ERI3: variants seen among roughly 807,000 people sequenced by gnomAD.
ERI3 encodes the protein ERI1 exoribonuclease family member 3.
In ERI3, 18 loss-of-function variants were observed where a neutral mutation model predicts 44.4. The observed-to-expected ratio is 0.41, with a 90% CI of 0.28 to 0.60. The LOEUF (loss-of-function observed/expected upper bound fraction) is 0.60, where lower values mean the gene tolerates loss of function less well. ERI3 is among the 20% of genes least tolerant of loss of function. The probability of loss-of-function intolerance (pLI) is 0.36; values close to 1 mark genes in which losing one functional copy is unlikely to be tolerated. For synonymous variants in ERI3, 183 were observed against 164.8 expected, an observed-to-expected ratio of 1.11 and a Z score of -0.84; for missense variants, 294 against 435.5, an observed-to-expected ratio of 0.68 and a Z score of 2.89.
chr1:44,349,727 G>C (rs879911652), intron 2 of ERI3, among the ~76,000 whole-genome samples: 1 of 152,140 alleles, frequency 6.6e-6, no homozygotes, highest in Admixed American at 6.5e-5. Context: ...TGTGCAAAGA[G>C]TTTTACATTA....
At chr1:44,330,448 G>T (rs1201359445) in intron 3 of ERI3, among the ~76,000 whole-genome samples, 1 of 152,142 alleles carries the variant, frequency 6.6e-6, no homozygotes, top group African/African-American at 2.4e-5. Context: ...CTATCCCAAG[G>T]CACCTCTACA....
intron 8 of ERI3, among the ~76,000 whole-genome samples, chr1:44,233,646 A>G (rs1481953878): frequency 6.6e-6 from 1 of 152,114 alleles, no homozygotes; most frequent in Non-Finnish European, 1.5e-5. Flanking sequence ...AGGCCTTTTC[A>G]GGGTCCACAC....
At chr1:44,265,580 G>T (rs1644975079) in intron 7 of ERI3, among the ~76,000 whole-genome samples, 1 of 151,470 alleles carries the variant, frequency 6.6e-6, no homozygotes, top group Non-Finnish European at 1.5e-5. Context: ...ATGACAAAGT[G>T]AACTCGCACA....
In ERI3 at chr1:44,355,066, TC is replaced by T; in HGVS notation, c.-41del. Reference sequence around the variant, plus strand: ...CTCGGGGCCAGCGCGGCAGGCTCCCTCCAGGTGCAGGCCCCGACGTCTCCCT... The same window carrying T: ...CTCGGGGCCAGCGCGGCAGGCTCCCTCAGGTGCAGGCCCCGACGTCTCCCT... On this transcript the variant is annotated 5_prime_UTR_variant, in exon 1 of 9. Coordinates refer to ENST00000372257, the MANE Select transcript of ERI3 (RefSeq NM_024066.3). The T allele has an allele frequency of 7.5e-7, 1 of 1,331,228 alleles. No homozygotes were observed. The highest frequency in any genetic ancestry group is 9.6e-7 in the Non-Finnish European group (1 of 1,036,418). The allele number at this position is 1,331,228 out of a possible 1,614,324, so 82.5% of individuals were successfully genotyped here. A position where few individuals can be genotyped will look rare whatever the true frequency, so the allele number is the denominator to read the frequency against.
intron 6 of ERI3, among the ~76,000 whole-genome samples, chr1:44,298,774 TG>T (rs925680396): frequency 6.6e-6 from 1 of 151,936 alleles, no homozygotes; most frequent in Non-Finnish European, 1.5e-5. Flanking sequence ...AAAAACTAGC[TG>T]GGCGCAGTGG....
intron 7 of ERI3, among the ~76,000 whole-genome samples, chr1:44,259,884 T>TA (rs1644856912): frequency 7.4e-6 from 1 of 135,000 alleles, no homozygotes; most frequent in Admixed American, 7.2e-5. Flanking sequence ...TCTAGATAGA[T>TA]AGATAGATAG....
At chr1:44,292,980 G>C (rs1168122140) in intron 6 of ERI3, among the ~76,000 whole-genome samples, 1 of 152,248 alleles carries the variant, frequency 6.6e-6, no homozygotes, top group African/African-American at 2.4e-5. Flanking sequence ...AGGAGCACGA[G>C]AGCAAGGGAG....
chr1:44,333,099 C>T (rs939042952), intron 3 of ERI3, among the ~76,000 whole-genome samples: 1 of 152,218 alleles, frequency 6.6e-6, no homozygotes, highest in Non-Finnish European at 1.5e-5. Context: ...AACTCAGCCC[C>T]CTCAAGCATT....
intron 8 of ERI3, among the ~76,000 whole-genome samples, chr1:44,243,251 A>G (rs1445133145): frequency 6.6e-6 from 1 of 152,174 alleles, no homozygotes; most frequent in Non-Finnish European, 1.5e-5. Context: ...CCTCAGTGGG[A>G]TCCTTCTCCA....
Position 44,221,591 on chromosome 1 carries a change from G to C in ERI3, c.981C>G (p.Gly327=). The change falls in exon 9 of 9, where the codon GGC becomes GGG. Residue 327 remains glycine, a synonymous_variant. Coordinates refer to ENST00000372257, the MANE Select transcript of ERI3 (RefSeq NM_024066.3). The surrounding 1 kb of genome is among the most constrained non-coding windows in gnomAD (Gnocchi z 5.9). The part of the protein sequence containing the change: ...ANIMKTLAYR[G]FIFKQTSKPF ...GCTTCGATGTCTGCTTGAAGATGAA[G>C]CCTCGATAGGCGAGTGTCTTCATGA... 2 of 1,614,180 alleles carry C rather than the reference G, an allele frequency of 1.2e-6. No homozygotes were observed. The highest frequency in any genetic ancestry group is 1.7e-6 in the Non-Finnish European group (2 of 1,180,020).
Position 44,221,457 on chromosome 1 carries a change from A to G in ERI3, c.*101T>C, listed in dbSNP as rs570238704. ...GGGCAGCTGGGGACACTCTGGACAC[A>G]GAGCTATGCCACTCTCCCTCTTCCC... On this transcript the variant is annotated 3_prime_UTR_variant, in exon 9 of 9. Coordinates refer to ENST00000372257, the MANE Select transcript of ERI3 (RefSeq NM_024066.3). This position sits in a 1 kb window ranked among gnomAD's most constrained non-coding sequence, Gnocchi z 5.9. 1.0e-6 allele frequency: 1 copy of G among 992,298 alleles called. No homozygotes were observed. Among genetic ancestry groups the G allele is most frequent in the Non-Finnish European group, 1.6e-6 (1 of 640,016 alleles). 61.5% of individuals were successfully genotyped at this position (992,298 alleles called of 1,614,324 possible).
At chr1:44,328,796 T>G (rs977067480) in intron 3 of ERI3, among the ~76,000 whole-genome samples, 1 of 152,180 alleles carries the variant, frequency 6.6e-6, no homozygotes, top group African/African-American at 2.4e-5. Context: ...AGCCCATGGC[T>G]CTCAGCTCCC....
chr1:44,318,809 T>G (rs977492276), intron 4 of ERI3, among the ~76,000 whole-genome samples: 1 of 152,252 alleles, frequency 6.6e-6, no homozygotes, highest in Admixed American at 6.5e-5. Context: ...CCCCAGACTC[T>G]TAAAAGATTC....
Position 44,352,886 on chromosome 1 carries a change from G to A in ERI3, c.175C>T (p.Pro59Ser). 1 of 1,614,114 alleles carries A rather than the reference G, an allele frequency of 6.2e-7. No individual in the cohort carries two copies. Among genetic ancestry groups the A allele is most frequent in the African/African-American group, 1.3e-5 (1 of 74,996 alleles). Residue 59 changes from proline (P) to serine (S), a missense_variant, in exon 2 of 9, where the codon CCA becomes TCA. Pro to Ser is a moderately conservative substitution (Grantham distance 74, BLOSUM62 -1). Transcript: ENST00000372257. ...TCGAAGATGCCAAGACCGGCAGCTG[G>A]GGATGCTGAAGGTTCTGTGAGAGCT... ...FPALTEPSAS[P>S]AAGLGIFEVR...
chr1:44,264,799 G>A (rs190619589), intron 7 of ERI3, among the ~76,000 whole-genome samples: 5 of 152,302 alleles, frequency 3.3e-5, no homozygotes, highest in Admixed American at 3.3e-4. Flanking sequence ...ATGCCCTCCT[G>A]CCATCATTCC....
chr1:44,349,245 C>G (rs1489795683), intron 2 of ERI3, among the ~76,000 whole-genome samples: 2 of 152,152 alleles, frequency 1.3e-5, no homozygotes, highest in Non-Finnish European at 2.9e-5. Context: ...CTCCACCTCC[C>G]GGGTTCAAGC....
chr1:44,312,515 C>T (rs1036347762), intron 5 of ERI3, among the ~76,000 whole-genome samples: 1 of 152,054 alleles, frequency 6.6e-6, no homozygotes, highest in African/African-American at 2.4e-5. Context: ...TCTAGCTCCC[C>T]GAGGAGAACA....
At chr1:44,332,029 T>C (rs1048383049) in intron 3 of ERI3, among the ~76,000 whole-genome samples, 3 of 152,192 alleles carry the variant, frequency 2.0e-5, no homozygotes, top group African/African-American at 7.2e-5. Context: ...TAGGGACCAT[T>C]CCTTACTTGT....
intron 6 of ERI3, among the ~76,000 whole-genome samples, chr1:44,296,120 A>T (rs1039909637): frequency 6.6e-6 from 1 of 152,128 alleles, no homozygotes; most frequent in Non-Finnish European, 1.5e-5. Context: ...GGTAGCAATG[A>T]GCTCTCTTCT....
Sources: gnomAD v4.1 joint callset for allele counts (sites outside exome capture counted in the v4.1 genomes callset) on GRCh38, gnomAD v4.1.1 for gene constraint, Gnocchi (gnomAD v3.1) non-coding constraint, MANE v1.5 for transcripts, NCBI Gene and HGNC (gene_info 2026-07-23, HGNC 2026-07-21) for gene names.